Variants in LOXL2 observed in about 807,000 individuals in gnomAD.
The protein encoded by LOXL2 is lysyl oxidase like 2, also known as lysyl oxidase homolog 2.
Under a neutral mutation model 93.0 loss-of-function variants are expected in LOXL2, and 70 were observed. The ratio of observed to expected loss-of-function variants is 0.75; its 90% CI spans 0.62 to 0.92. The LOEUF is 0.92. Among genes scored for constraint, LOXL2 ranks in the 40% least tolerant of loss-of-function variants. The pLI is 0.00. For synonymous variants in LOXL2, 438 were observed against 413.2 expected (o/e 1.06, Z -0.73); for missense variants, 973 against 1,054.9 (o/e 0.92, Z 1.08).
chr8:23,338,189 C>A (rs575597920), intron 4 of LOXL2, among the ~76,000 whole-genome samples: 3 of 152,344 alleles, frequency 2.0e-5, no homozygotes, highest in Non-Finnish European at 4.4e-5. Context: ...AAAACCCACA[C>A]CCATGATTCA....
chr8:23,377,590 CT>C (rs1255377364), intron 1 of LOXL2, among the ~76,000 whole-genome samples: 4 of 152,028 alleles, frequency 2.6e-5, no homozygotes, highest in African/African-American at 9.7e-5. Context: ...CTTTGTAGAT[CT>C]TTAAGGACTT....
rs546122768 is a variant in LOXL2, at chr8:23,369,414, G to A, written c.-83-980C>T. The stretch of plus-strand genomic sequence containing the variant: ...AGAAACATGCAGGGCCCCAAACCAG[G>A]ATGAGCAGGTGGAAGCTTAGGTGGG... On this transcript the variant is annotated intron_variant, in intron 1 of 13. Transcript: ENST00000389131. 1.1e-4 allele frequency among the ~76,000 whole-genome samples: 16 copies of A among 152,262 alleles called. No individual in the cohort carries two copies. The South Asian group carries it at 3.1e-3, about 30-fold the overall frequency.
chr8:23,379,929 G>A (rs1022475759), intron 1 of LOXL2, among the ~76,000 whole-genome samples: 7 of 152,168 alleles, frequency 4.6e-5, no homozygotes, highest in South Asian at 4.2e-4. Flanking sequence ...CACACTCTGC[G>A]GGCTGCACCC....
At chr8:23,358,051 A>C (rs914848024) in intron 3 of LOXL2, among the ~76,000 whole-genome samples, 1 of 152,232 alleles carries the variant, frequency 6.6e-6, no homozygotes, top group Non-Finnish European at 1.5e-5. Flanking sequence ...TAAGATCCAC[A>C]TAAGTGGGGG....
chr8:23,396,535 G>C (rs531068743), intron 1 of LOXL2, among the ~76,000 whole-genome samples: 1 of 152,172 alleles, frequency 6.6e-6, no homozygotes, highest in Admixed American at 6.5e-5. Context: ...AATGATCCTA[G>C]TGGTGATACC....
At chr8:23,321,970 G>A (rs917797685) in intron 7 of LOXL2, 160 bp downstream of exon 7, 70 of 790,806 alleles carry the variant, frequency 8.9e-5, no homozygotes, top group African/African-American at 2.9e-4. Flanking sequence ...GGCCAGGCCC[G>A]AGGTTCGAGG....
chr8:23,376,997 C>G (rs1230238070), intron 1 of LOXL2, among the ~76,000 whole-genome samples: 14 of 150,954 alleles, frequency 9.3e-5, no homozygotes, highest in South Asian at 4.2e-4. Context: ...GAATGTGTTT[C>G]CTCTTGCTTC....
chr8:23,332,472 CCA>C (rs1276378940), intron 5 of LOXL2, among the ~76,000 whole-genome samples: 3 of 104,528 alleles, frequency 2.9e-5, no homozygotes, highest in Non-Finnish European at 5.9e-5. Context: ...CACATACCCC[CCA>C]CACACTCCCA....
At chr8:23,360,035 G>A (rs1224072677) in intron 3 of LOXL2, 55 bp downstream of exon 3, 5 of 1,515,374 alleles carry the variant, frequency 3.3e-6, no homozygotes, top group Admixed American at 3.4e-5. Flanking sequence ...AAAGCGAGTT[G>A]CATGGAAGAG....
chr8:23,370,052 G>A (rs1238251762), intron 1 of LOXL2, among the ~76,000 whole-genome samples: 3 of 152,170 alleles, frequency 2.0e-5, no homozygotes, highest in Admixed American at 2.0e-4. Flanking sequence ...CACTCCCAAT[G>A]TGCCATCCCA....
At chr8:23,350,314 C>A (rs1004040924) in intron 3 of LOXL2, among the ~76,000 whole-genome samples, 8 of 152,130 alleles carry the variant, frequency 5.3e-5, no homozygotes, top group Non-Finnish European at 1.2e-4. Context: ...CACAGTGGCA[C>A]GCACCTGTAA....
chr8:23,383,322 G>GGT (rs138965263), intron 1 of LOXL2, among the ~76,000 whole-genome samples: 18,330 of 151,650 alleles, frequency 0.12, 1,344 homozygotes, highest in Admixed American at 0.18. Context: ...TTACCTTATG[G>GGT]GTGTGTGTGT....
chr8:23,309,830 C>T lies in LOXL2; in HGVS notation c.1718G>A (p.Cys573Tyr). The change falls in exon 10 of 14, where the codon TGT (cysteine) becomes TAT (tyrosine). Residue 573 changes from cysteine (C) to tyrosine (Y), a missense_variant. Coordinates refer to ENST00000389131, the MANE Select transcript of LOXL2 (RefSeq NM_002318.3). Reference protein sequence around the residue: ...LEDRPMFMLQCAMEENCLSAS... With the variant: ...LEDRPMFMLQYAMEENCLSAS... ...CGAGAGGCAGTTCTCCTCCATGGCA[C>T]ACTGCAGCATGAACATGGGCCGGTC... is the stretch of plus-strand genomic sequence containing the variant. 6.2e-7 allele frequency: 1 copy of T among 1,600,988 alleles called. No individual in the cohort carries two copies. Among genetic ancestry groups the T allele is most frequent in the East Asian group, 2.3e-5 (1 of 43,866 alleles).
intron 1 of LOXL2, among the ~76,000 whole-genome samples, chr8:23,378,263 T>C (rs1169183478): frequency 6.6e-6 from 1 of 152,222 alleles, no homozygotes; most frequent in Non-Finnish European, 1.5e-5. Flanking sequence ...TGTTGAATAT[T>C]GGCCCCCACT....
chr8:23,346,663 G>C (rs1803993698), intron 3 of LOXL2, among the ~76,000 whole-genome samples: 1 of 152,188 alleles, frequency 6.6e-6, no homozygotes, highest in African/African-American at 2.4e-5. Context: ...AGTTGCATCA[G>C]GGAAAGGTAC....
intron 3 of LOXL2, among the ~76,000 whole-genome samples, chr8:23,357,471 T>G (rs1417036261): frequency 6.6e-6 from 1 of 152,254 alleles, no homozygotes; most frequent in Non-Finnish European, 1.5e-5. Context: ...GAACTGGCAC[T>G]TAGTAGGTAT....
At chr8:23,381,899 A>G (rs1033175717) in intron 1 of LOXL2, among the ~76,000 whole-genome samples, 1 of 152,218 alleles carries the variant, frequency 6.6e-6, no homozygotes, top group Non-Finnish European at 1.5e-5. Flanking sequence ...CCCCAAGCCT[A>G]ACACAGTGCC....
At chr8:23,393,500 C>A (rs1381761025) in intron 1 of LOXL2, among the ~76,000 whole-genome samples, 4 of 152,068 alleles carry the variant, frequency 2.6e-5, no homozygotes, top group African/African-American at 4.8e-5. Flanking sequence ...TAGCCACATG[C>A]AAAAGAATGA....
At chr8:23,359,831 G>C (rs553488356) in intron 3 of LOXL2, among the ~76,000 whole-genome samples, 105 of 152,208 alleles carry the variant, frequency 6.9e-4, no homozygotes, top group African/African-American at 2.2e-3. Context: ...CTGAGATCAC[G>C]CTCTGCTTAC....
Sources: allele counts gnomAD v4.1 joint callset (sites outside exome capture counted in the v4.1 genomes callset), GRCh38; gene constraint gnomAD v4.1.1; transcripts MANE v1.5; gene names NCBI Gene and HGNC (gene_info 2026-07-23, HGNC 2026-07-21).